Variants in MORC1 observed in about 807,000 individuals in gnomAD.
MORC1 encodes MORC family CW-type zinc finger 1.
In MORC1, 59 loss-of-function variants were observed where a neutral mutation model predicts 134.9. The observed-to-expected ratio is 0.44, with a 90% CI of 0.35 to 0.54. The LOEUF (loss-of-function observed/expected upper bound fraction) is 0.54. Ranked by LOEUF, MORC1 falls within the 20% of genes least tolerant of loss-of-function variation. The pLI, the probability that MORC1 is intolerant of heterozygous loss-of-function variation, is 0.00. For synonymous variants in MORC1, 395 were observed against 391.7 expected, an observed-to-expected ratio of 1.01 and a Z score of -0.10; for missense variants, 947 against 1,134.5, an observed-to-expected ratio of 0.83 and a Z score of 2.37.
intron 8 of MORC1, among the ~76,000 whole-genome samples, chr3:109,076,987 A>AG (rs1553760242): frequency 6.6e-6 from 1 of 151,636 alleles, no homozygotes; most frequent in Non-Finnish European, 1.5e-5. Flanking sequence ...AAAAAAAAAA[A>AG]AAGTTAAGAG....
At chr3:108,990,396 A>G (rs1316811004) in intron 21 of MORC1, among the ~76,000 whole-genome samples, 1 of 151,978 alleles carries the variant, frequency 6.6e-6, no homozygotes, top group Non-Finnish European at 1.5e-5. Context: ...GCTCTTTTAC[A>G]AATATGCCAG....
chr3:109,035,499 C>CAA (rs35736028), intron 14 of MORC1, 31 bp from the exon 15 acceptor site: 9 of 1,268,444 alleles, frequency 7.1e-6, no homozygotes, highest in African/African-American at 3.1e-5. Flanking sequence ...CAAAGAATAA[C>CAA]AAAAAAAAAT....
At chr3:108,990,561 T>C (rs1034301234) in intron 21 of MORC1, among the ~76,000 whole-genome samples, 1 of 152,202 alleles carries the variant, frequency 6.6e-6, no homozygotes, top group Non-Finnish European at 1.5e-5. Context: ...ACACAGATAC[T>C]TCCTATTCCC....
chr3:109,049,721 AG>A (rs1949777314), intron 14 of MORC1, among the ~76,000 whole-genome samples: 2 of 152,190 alleles, frequency 1.3e-5, no homozygotes, highest in South Asian at 2.1e-4. Flanking sequence ...TTTAATGGTA[AG>A]GGGGACACTG....
In MORC1 at chr3:108,963,625, A is replaced by G; in HGVS notation, c.2605-17T>C. ...ATTCTGTATCTGGGAATGTTTTAAA[A>G]ACAGTTTTAGCATGTTTTTAAAATA... On this transcript the variant is annotated splice_polypyrimidine_tract_variant and intron_variant, in intron 26 of 27. Transcript: ENST00000232603. 6.8e-7 allele frequency: 1 copy of G among 1,477,318 alleles called. No individual in the cohort carries two copies. The allele number at this position is 1,477,318 out of a possible 1,614,324, so 91.5% of individuals were successfully genotyped here. A position where few individuals can be genotyped will look rare whatever the true frequency, so the allele number is the denominator to read the frequency against.
intron 14 of MORC1, among the ~76,000 whole-genome samples, chr3:109,049,607 T>C (rs1189860038): frequency 6.6e-6 from 1 of 152,168 alleles, no homozygotes; most frequent in Non-Finnish European, 1.5e-5. Flanking sequence ...TTACGAGGGA[T>C]AAATGTATGA....
intron 14 of MORC1, among the ~76,000 whole-genome samples, chr3:109,044,385 C>G (rs964318923): frequency 2.2e-4 from 33 of 151,584 alleles, no homozygotes; most frequent in African/African-American, 6.5e-4. Flanking sequence ...AGTGAAACCC[C>G]ATCTCTACTA....
At chr3:109,081,043 C>A (rs1304769376) in intron 8 of MORC1, among the ~76,000 whole-genome samples, 2 of 151,962 alleles carry the variant, frequency 1.3e-5, no homozygotes, top group African/African-American at 4.8e-5. Flanking sequence ...GCACCATATT[C>A]AAAAACAATC....
chr3:109,033,962 C>A (rs1320658509), intron 15 of MORC1, among the ~76,000 whole-genome samples: 1 of 152,064 alleles, frequency 6.6e-6, no homozygotes, highest in African/African-American at 2.4e-5. Context: ...TCTAACAGTA[C>A]CTGGTACAAA....
At chr3:109,048,454 C>G (rs914144717) in intron 14 of MORC1, among the ~76,000 whole-genome samples, 3 of 152,108 alleles carry the variant, frequency 2.0e-5, no homozygotes, top group African/African-American at 7.2e-5. Context: ...AACCAGTTCA[C>G]CTACAAGTTG....
intron 14 of MORC1, among the ~76,000 whole-genome samples, chr3:109,038,869 C>T (rs146705352): frequency 9.9e-5 from 15 of 152,148 alleles, no homozygotes; most frequent in Admixed American, 5.2e-4. Context: ...AGTCAGGTAG[C>T]GCGATGCCTC....
intron 24 of MORC1, among the ~76,000 whole-genome samples, chr3:108,973,717 C>A (rs1413042241): frequency 6.6e-6 from 1 of 151,646 alleles, no homozygotes; most frequent in African/African-American, 2.4e-5. Context: ...CCAACTCACC[C>A]ACCTGAGTAG....
At chr3:109,044,944 CAA>C (rs375280662) in intron 14 of MORC1, among the ~76,000 whole-genome samples, 18 of 64,170 alleles carry the variant, frequency 2.8e-4, no homozygotes, top group Admixed American at 5.2e-4. Context: ...GACTCTGTCT[CAA>C]AAAAAAAAAA....
intron 6 of MORC1, among the ~76,000 whole-genome samples, chr3:109,097,998 A>G (rs985443838): frequency 6.6e-6 from 1 of 152,212 alleles, no homozygotes. Context: ...ATGCCTAGAT[A>G]AAATCAAGAA....
At chr3:109,044,346 C>G (rs1290317566) in intron 14 of MORC1, among the ~76,000 whole-genome samples, 1 of 151,284 alleles carries the variant, frequency 6.6e-6, no homozygotes, top group East Asian at 2.0e-4. Flanking sequence ...ATCGCGAGGT[C>G]AGGAGATCCA....
chr3:109,107,732 C>CT (rs894101843), intron 3 of MORC1, among the ~76,000 whole-genome samples: 1 of 152,096 alleles, frequency 6.6e-6, no homozygotes, highest in African/African-American at 2.4e-5. Flanking sequence ...ATTGTCCCTG[C>CT]TTTTTTTATC....
chr3:109,115,034 C>T (rs985798397), intron 1 of MORC1, among the ~76,000 whole-genome samples: 10 of 152,326 alleles, frequency 6.6e-5, no homozygotes, highest in African/African-American at 2.4e-4. Context: ...TCCAGACAGC[C>T]TTCAGTATTT....
chr3:109,032,781 G>T lies in MORC1; in HGVS notation c.1504C>A (p.Gln502Lys). ...WRVLPSSTNYQEKEFFDIWIC... is the reference protein window; with the variant it reads ...WRVLPSSTNYKEKEFFDIWIC... ...CAAATGTCAAAAAATTCTTTTTCCTGATAATTAGTAGAGGAAGGCAAGACT... is the reference window on the plus strand; with the variant it reads ...CAAATGTCAAAAAATTCTTTTTCCTTATAATTAGTAGAGGAAGGCAAGACT... The change falls in exon 16 of 28, where the codon CAG (glutamine) becomes AAG (lysine). Residue 502 changes from glutamine to lysine, a missense_variant. By Grantham distance (53) the Gln-to-Lys change is moderately conservative (BLOSUM62 1). Around this residue, in one of 3 missense-constraint regions of MORC1, gnomAD observed 722 missense variants for 817.0 expected, o/e 0.88. Coordinates refer to ENST00000232603, the MANE Select transcript of MORC1 (RefSeq NM_014429.4). 1 of 1,608,742 alleles carries T rather than the reference G, an allele frequency of 6.2e-7. No individual in the cohort carries two copies. The highest frequency in any genetic ancestry group is 1.3e-5 in the African/African-American group (1 of 74,834).
chr3:109,100,852 C>T (rs1470552236), intron 4 of MORC1, among the ~76,000 whole-genome samples: 1 of 152,100 alleles, frequency 6.6e-6, no homozygotes, highest in African/African-American at 2.4e-5. Context: ...ATAGCATTTA[C>T]ACTGCATTGG....
Sources: allele counts gnomAD v4.1 joint callset (sites outside exome capture counted in the v4.1 genomes callset), GRCh38; gene constraint gnomAD v4.1.1; regional missense constraint gnomAD v4.1.1; transcripts MANE v1.5; gene names NCBI Gene and HGNC (gene_info 2026-07-23, HGNC 2026-07-21).